COL18A1: variants seen among roughly 807,000 people sequenced by gnomAD.
COL18A1 encodes the protein collagen type XVIII alpha 1 chain, also known as collagen alpha-1(XVIII) chain.
A neutral mutation model predicts 168.0 loss-of-function variants in COL18A1; 133 were observed. That is an observed-to-expected ratio of 0.79 (90% CI 0.69 to 0.91). The LOEUF is 0.91. COL18A1 is among the 40% of genes least tolerant of loss of function. The probability of loss-of-function intolerance (pLI) is 0.00; values close to 1 mark genes in which losing one functional copy is unlikely to be tolerated. For missense variants in COL18A1, 2,126 were observed against 1,925.4 expected (o/e 1.10, Z -1.95); for synonymous variants, 949 against 809.0 (o/e 1.17, Z -2.94).
Position 45,505,447 on chromosome 21 carries a change from G to C in COL18A1, c.3087+16G>C. 7.0e-7 allele frequency: 1 copy of C among 1,436,324 alleles called. No individual in the cohort carries two copies. Among genetic ancestry groups the C allele is most frequent in the Non-Finnish European group, 9.6e-7 (1 of 1,037,356 alleles). 89.0% of individuals were successfully genotyped at this position (1,436,324 alleles called of 1,614,324 possible). A position where few individuals can be genotyped will look rare whatever the true frequency, so the allele number is the denominator to read the frequency against. On this transcript the variant is annotated intron_variant, in intron 36 of 41. Transcript: ENST00000651438. ...CTCCTCAGGGGTAAGTGTCTGGGCA[G>C]CCGGCTGGGCACCTGCGTCCCGTGC...
chr21:45,444,050 G>A (rs909057651), intron 2 of COL18A1, among the ~76,000 whole-genome samples: 2 of 152,164 alleles, frequency 1.3e-5, no homozygotes, highest in Non-Finnish European at 2.9e-5. Flanking sequence ...CGTGCTTCCC[G>A]GCTGCCACGC....
intron 2 of COL18A1, among the ~76,000 whole-genome samples, chr21:45,453,167 ATG>A (rs369389501): frequency 7.1e-4 from 107 of 151,206 alleles, no homozygotes; most frequent in South Asian, 4.2e-3. Flanking sequence ...GTGAGCATGT[ATG>A]TGTGTGTGAT....
At chr21:45,492,434 A>G in intron 22 of COL18A1, 101 bp from the exon 23 acceptor site, 2 of 1,428,934 alleles carry the variant, frequency 1.4e-6, no homozygotes, top group Admixed American at 3.3e-5. Flanking sequence ...TTTTCCTTGA[A>G]TTTCCTGGTT....
At chr21:45,511,427 C>CCA (rs1350055787) in intron 41 of COL18A1, among the ~76,000 whole-genome samples, 2 of 152,092 alleles carry the variant, frequency 1.3e-5, no homozygotes, top group Non-Finnish European at 2.9e-5. Flanking sequence ...CGTTTGAGAG[C>CCA]CAGGTAGTTG....
chr21:45,464,498 T>A (rs1024253979), intron 2 of COL18A1, among the ~76,000 whole-genome samples: 1 of 152,156 alleles, frequency 6.6e-6, no homozygotes, highest in African/African-American at 2.4e-5. Context: ...CATATAGGTA[T>A]GTAGCTTCCT....
At chr21:45,488,491 T>C (rs769782026) in intron 18 of COL18A1, 47 bp downstream of exon 18, 1 of 1,613,396 alleles carries the variant, frequency 6.2e-7, no homozygotes, top group Non-Finnish European at 8.5e-7. Context: ...GGCTTGGCCC[T>C]GTCTCGACAT....
intron 2 of COL18A1, among the ~76,000 whole-genome samples, chr21:45,417,653 C>T (rs992444487): frequency 5.3e-5 from 8 of 152,166 alleles, no homozygotes; most frequent in African/African-American, 1.9e-4. Flanking sequence ...AGGACCTGTG[C>T]ACCAGGCCTG....
At position 45,512,518 on chromosome 21, in the gene COL18A1, A is replaced by G; in HGVS notation, c.*120A>G. 3.4e-6 allele frequency: 3 copies of G among 871,824 alleles called. No individual in the cohort carries two copies. Among genetic ancestry groups the G allele is most frequent in the African/African-American group, 1.7e-5 (1 of 59,408 alleles). 54.0% of individuals were successfully genotyped at this position (871,824 alleles called of 1,614,324 possible). On this transcript the variant is annotated 3_prime_UTR_variant, in exon 42 of 42. Transcript: ENST00000651438. Reference sequence around the variant, plus strand: ...ACCTGGCTGCCATACTTTCCTGTATAGTTCACGTTTCATGTAATCCTCAAG... The same window carrying G: ...ACCTGGCTGCCATACTTTCCTGTATGGTTCACGTTTCATGTAATCCTCAAG...
At chr21:45,502,954 A>G (rs992484251) in intron 32 of COL18A1, 3 of 152,198 alleles carry the variant, frequency 2.0e-5, no homozygotes, top group Non-Finnish European at 2.9e-5. Flanking sequence ...CAGTCTAGAA[A>G]AACCACCACC....
At chr21:45,455,399 G>T (rs547601441) in intron 2 of COL18A1, 144 of 1,280,588 alleles carry the variant, frequency 1.1e-4, no homozygotes, top group South Asian at 8.7e-4. Context: ...CTGCAAGAGT[G>T]GGGGGTGGAA....
Position 45,451,811 on chromosome 21 carries a change from ACCTGT to A in COL18A1, c.107-16424_107-16420del, listed in dbSNP as rs1411745518. 9.9e-5 allele frequency among the ~76,000 whole-genome samples: 15 copies of A among 152,034 alleles called. No individual in the cohort carries two copies. In the East Asian group the frequency reaches 2.9e-3, roughly 29 times the overall value. ...CTGCGCACCCCCAGGGAGGGGTCTC[ACCTGT>A]CCTGTCAACTCTGCTCCATCGGGAT... On this transcript the variant is annotated intron_variant, in intron 2 of 41. Coordinates refer to ENST00000651438, the MANE Select transcript of COL18A1 (RefSeq NM_001379500.1).
rs62000960 is a variant in COL18A1, at chr21:45,456,047, G to A, written c.107-12195G>A. On this transcript the variant is annotated intron_variant, in intron 2 of 41. Transcript: ENST00000651438. Reference sequence around the variant, plus strand: ...TGGGACCACTCTCTGGCCCAGCCGTGGCATTCCTAGCTCTCCGGGCGCCCA... The same window carrying A: ...TGGGACCACTCTCTGGCCCAGCCGTAGCATTCCTAGCTCTCCGGGCGCCCA... 4,441 of 1,607,924 alleles carry A rather than the reference G, an allele frequency of 2.8e-3. 14 individuals carry two copies. Among genetic ancestry groups the A allele is most frequent in the Middle Eastern group, 9.4e-3 (57 of 6,046 alleles).
In COL18A1 at chr21:45,482,484, C is replaced by T. The variant is rs545324097; in HGVS notation, c.1675-311C>T. On this transcript the variant is annotated intron_variant, in intron 14 of 41. Transcript: ENST00000651438. ...AGCAGGGGACGCGGGCTGTAAATGC[C>T]CCTCACTGCTCTAAGCCTGTGGCTG... 4.8e-4 allele frequency: 275 copies of T among 573,982 alleles called. 4 individuals carry two copies. The South Asian group carries it at 4.9e-3, about 10-fold the overall frequency. 35.6% of individuals were successfully genotyped at this position (573,982 alleles called of 1,614,324 possible).
Position 45,510,159 on chromosome 21 carries a change from G to C in COL18A1, c.3591G>C (p.Gly1197=). 6.3e-7 allele frequency: 1 copy of C among 1,596,766 alleles called. No individual in the cohort carries two copies. ...FQCFQQARAV[G]LAGTFRAFLS... ...GCTTCCAGCAGGCGCGGGCCGTGGG[G>C]CTGGCGGGCACCTTCCGCGCCTTCC... Residue 1197 remains glycine (G), a synonymous_variant, in exon 40 of 42, where the codon GGG becomes GGC. Coordinates refer to ENST00000651438, the MANE Select transcript of COL18A1 (RefSeq NM_001379500.1).
chr21:45,469,146 G>A (rs1028012501), intron 3 of COL18A1, among the ~76,000 whole-genome samples: 8 of 152,286 alleles, frequency 5.3e-5, no homozygotes, highest in Middle Eastern at 6.8e-3. Context: ...CACCCCAGCC[G>A]TGACCCCGTG....
At chr21:45,461,892 T>C (rs933050752) in intron 2 of COL18A1, among the ~76,000 whole-genome samples, 1 of 152,262 alleles carries the variant, frequency 6.6e-6, no homozygotes, top group Non-Finnish European at 1.5e-5. Context: ...TTACTGTTAT[T>C]GACTAGTGTC....
chr21:45,422,276 C>G (rs2033649324), intron 2 of COL18A1: 1 of 339,952 alleles, frequency 2.9e-6, no homozygotes, highest in Non-Finnish European at 6.1e-6. Context: ...CACCCGCTTG[C>G]TCTCTGTCTG....
At chr21:45,438,954 G>A (rs1602387120) in intron 2 of COL18A1, among the ~76,000 whole-genome samples, 1 of 152,288 alleles carries the variant, frequency 6.6e-6, no homozygotes, top group East Asian at 1.9e-4. Flanking sequence ...GGTCTGTGTG[G>A]AGATGGATAC....
intron 37 of COL18A1, chr21:45,507,287 G>A: frequency 3.7e-6 from 2 of 539,392 alleles, no homozygotes; most frequent in Non-Finnish European, 6.7e-6. Flanking sequence ...GACTGGGAGG[G>A]CCGGGTGCTG....
Sources: allele counts gnomAD v4.1 joint callset (sites outside exome capture counted in the v4.1 genomes callset), GRCh38; gene constraint gnomAD v4.1.1; transcripts MANE v1.5; gene names NCBI Gene and HGNC (gene_info 2026-07-23, HGNC 2026-07-21).